The following ACOT1 variants were observed in gnomAD, a reference collection of about 807,000 sequenced individuals.
The protein encoded by ACOT1 is acyl-CoA thioesterase 1.
Under a neutral mutation model 15.7 loss-of-function variants are expected in ACOT1, and 8 were observed. The observed-to-expected ratio is 0.51, with a 90% CI of 0.30 to 0.92. ACOT1 has a LOEUF of 0.92. Ranked by LOEUF, ACOT1 falls within the 40% of genes least tolerant of loss-of-function variation. The pLI is 0.06. For missense variants in ACOT1, 151 were observed against 539.4 expected (o/e 0.28, Z 7.13); for synonymous variants, 67 against 241.2 (o/e 0.28, Z 6.69).
At chr14:73,503,230 A>G in the ACOT1 span, among the ~76,000 whole-genome samples, 1 of 152,188 alleles carries the variant, frequency 6.6e-6, no homozygotes, top group Non-Finnish European at 1.5e-5. Context: ...AGCTTGTCCA[A>G]GGTTAACCTG....
the ACOT1 span, among the ~76,000 whole-genome samples, chr14:73,528,392 CA>C: frequency 0.034 from 2,991 of 88,292 alleles, 38 homozygotes; most frequent in Middle Eastern, 0.12. Context: ...AACTTCATCT[CA>C]AAAAAAAAAA....
chr14:73,527,201 C>T, the ACOT1 span: 1 of 151,940 alleles, frequency 6.6e-6, no homozygotes, highest in African/African-American at 2.4e-5. Context: ...TAAGTCCAGA[C>T]TGTAAAGACT....
At chr14:73,502,293 T>C in the ACOT1 span, among the ~76,000 whole-genome samples, 2 of 152,064 alleles carry the variant, frequency 1.3e-5, no homozygotes, top group African/African-American at 2.4e-5. Context: ...GTATATGCCA[T>C]TTGTTCTAGT....
At chr14:73,522,750 C>T in the ACOT1 span, 57 of 1,614,080 alleles carry the variant, frequency 3.5e-5, no homozygotes, top group Non-Finnish European at 4.1e-5. Flanking sequence ...GTCTTCACAG[C>T]CAGGGAGGTG....
chr14:73,498,625 G>C, the ACOT1 span, among the ~76,000 whole-genome samples: 5 of 152,176 alleles, frequency 3.3e-5, no homozygotes, highest in African/African-American at 1.2e-4. Context: ...ATGGGGAAAG[G>C]AGGCACAATT....
the ACOT1 span, among the ~76,000 whole-genome samples, chr14:73,508,787 G>C: frequency 6.7e-6 from 1 of 148,306 alleles, no homozygotes; most frequent in Non-Finnish European, 1.5e-5. Context: ...ATTTAGTCCA[G>C]CTACCACTTG....
chr14:73,493,259 C>T, the ACOT1 span: 1 of 690,256 alleles, frequency 1.4e-6, no homozygotes, highest in African/African-American at 1.8e-5. Flanking sequence ...CTGCTTGAGA[C>T]AGATATTAGA....
chr14:73,492,047 A>T, the ACOT1 span: 1 of 1,613,948 alleles, frequency 6.2e-7, no homozygotes, highest in African/African-American at 1.3e-5. The surrounding 1 kb of genome is among the most constrained non-coding windows in gnomAD (Gnocchi z 4.9). Context: ...CTACGACGAC[A>T]TCGAGGCCTT....
At chr14:73,512,815 CA>C in the ACOT1 span, among the ~76,000 whole-genome samples, 2 of 152,140 alleles carry the variant, frequency 1.3e-5, no homozygotes, top group Admixed American at 1.3e-4. Flanking sequence ...GTGTTTCCTT[CA>C]GTCTTTTTTG....
chr14:73,508,030 G>T, the ACOT1 span: 3 of 1,098,386 alleles, frequency 2.7e-6, no homozygotes, highest in Non-Finnish European at 4.1e-6. Context: ...ACAGGCATAA[G>T]CCACTGCCCC....
the ACOT1 span, among the ~76,000 whole-genome samples, chr14:73,524,310 A>AAAAAAATATAT: frequency 5.3e-4 from 29 of 54,772 alleles, no homozygotes; most frequent in Non-Finnish European, 6.2e-4. Flanking sequence ...AAAAAAAAAA[A>AAAAAAATATAT]ATATATATAT....
chr14:73,517,787 G>A, the ACOT1 span, among the ~76,000 whole-genome samples: 24 of 151,714 alleles, frequency 1.6e-4, no homozygotes, highest in African/African-American at 5.1e-4. Flanking sequence ...AAGGAAGGGA[G>A]GAAGGAGAAA....
the ACOT1 span, among the ~76,000 whole-genome samples, chr14:73,516,583 G>A: frequency 6.6e-6 from 1 of 151,906 alleles, no homozygotes; most frequent in African/African-American, 2.4e-5. Context: ...TAGCTGGATA[G>A]AAACACATCC....
At chr14:73,499,249 G>A in the ACOT1 span, 1 of 902,236 alleles carries the variant, frequency 1.1e-6, no homozygotes, top group Non-Finnish European at 1.9e-6. Context: ...GGGATGCCAA[G>A]GTGGGCGGAT....
chr14:73,505,017 C>G, the ACOT1 span, among the ~76,000 whole-genome samples: 6 of 151,582 alleles, frequency 4.0e-5, no homozygotes, highest in South Asian at 1.3e-3. Flanking sequence ...CTGAAACCGC[C>G]GCCTCCCAGG....
chr14:73,534,807 CTTTT>C (rs553194860), upstream of ACOT1, among the ~76,000 whole-genome samples: 1 of 93,898 alleles, frequency 1.1e-5, no homozygotes, highest in Non-Finnish European at 2.3e-5. Context: ...ATCTTTTCTG[CTTTT>C]TTTTTTTTTT....
chr14:73,534,109 G>A (rs1194311094), upstream of ACOT1, among the ~76,000 whole-genome samples: 6 of 109,338 alleles, frequency 5.5e-5, 2 homozygotes, highest in African/African-American at 1.8e-4. Flanking sequence ...GGCCAGACAC[G>A]GTGGCTCATG....
At chr14:73,529,412 C>T in the ACOT1 span, among the ~76,000 whole-genome samples, 1 of 151,452 alleles carries the variant, frequency 6.6e-6, no homozygotes, top group African/African-American at 2.4e-5. Context: ...AGACCAGGCC[C>T]TGGAATGAGC....
chr14:73,521,080 A>G, the ACOT1 span: 1 of 1,543,474 alleles, frequency 6.5e-7, no homozygotes, highest in Non-Finnish European at 8.9e-7. Flanking sequence ...GGGAAAGAGT[A>G]GGAGGTGGAT....
Sources: allele counts gnomAD v4.1 joint callset (sites outside exome capture counted in the v4.1 genomes callset), GRCh38; gene constraint gnomAD v4.1.1; non-coding constraint Gnocchi (gnomAD v3.1); transcripts MANE v1.5; gene names NCBI Gene and HGNC (gene_info 2026-07-23, HGNC 2026-07-21).